NECTIN1: variants seen among roughly 807,000 people sequenced by gnomAD.
The protein encoded by NECTIN1 is nectin cell adhesion molecule 1, also known as nectin-1.
Under a neutral mutation model 48.0 loss-of-function variants are expected in NECTIN1, and 23 were observed. The observed-to-expected ratio is 0.48, with a 90% CI of 0.34 to 0.68. The LOEUF is 0.68. Among genes scored for constraint, NECTIN1 ranks in the 30% least tolerant of loss-of-function variants. The pLI, the probability that NECTIN1 is intolerant of heterozygous loss-of-function variation, is 0.01. For missense variants in NECTIN1, 591 were observed against 709.9 expected (o/e 0.83, Z 1.90); for synonymous variants, 270 against 288.9 (o/e 0.93, Z 0.66).
Position 119,665,923 on chromosome 11 carries a change from C to G in NECTIN1, c.1004-626G>C, listed in dbSNP as rs1257538575. 5.3e-5 allele frequency among the ~76,000 whole-genome samples: 8 copies of G among 152,212 alleles called. No individual in the cohort carries two copies. Among genetic ancestry groups the G allele is most frequent in the African/African-American group, 1.9e-4 (8 of 41,438 alleles). Reference sequence around the variant, plus strand: ...TTCTGCACCTGATTTTGTCTGCCTGCAGGGCACAGGGAAAACAGGTTCCCA... The same window carrying G: ...TTCTGCACCTGATTTTGTCTGCCTGGAGGGCACAGGGAAAACAGGTTCCCA... On this transcript the variant is annotated intron_variant, in intron 5 of 5. Transcript: ENST00000264025. The surrounding 1 kb of genome is among the most constrained non-coding windows in gnomAD (Gnocchi z 5.1).
chr11:119,648,343 ATGC>A (rs1490468577), intron 5 of NECTIN1, among the ~76,000 whole-genome samples: 22 of 1,278 alleles, frequency 0.017, 1 homozygote, highest in South Asian at 0.071. Context: ...GGTGGTGGTG[ATGC>A]TGGTGGTGGT....
Position 119,711,072 on chromosome 11 carries a change from A to C in NECTIN1, c.79+17403T>G, listed in dbSNP as rs553191905. Among the ~76,000 whole-genome samples the C allele has an allele frequency of 2.8e-3, 391 of 138,906 alleles. 5 individuals are homozygous for C. The highest frequency in any genetic ancestry group is 3.0e-3 in the Non-Finnish European group (199 of 65,308). 91.1% of individuals were successfully genotyped at this position (138,906 alleles called of 152,430 possible). On this transcript the variant is annotated intron_variant, in intron 1 of 5. Coordinates refer to ENST00000264025, the MANE Select transcript of NECTIN1 (RefSeq NM_002855.5). ...TAAATAGGGTTGCCAAAAAAAAAAA[A>C]AAACCAAAAACAGAAAGAAAGGGGC...
At chr11:119,654,475 G>A (rs1350521641) in intron 5 of NECTIN1, among the ~76,000 whole-genome samples, 1 of 152,106 alleles carries the variant, frequency 6.6e-6, no homozygotes, top group African/African-American at 2.4e-5. Flanking sequence ...ATTCCCTGCT[G>A]GTCAGACCAG....
chr11:119,677,686 G>C lies in NECTIN1; in HGVS notation c.602C>G (p.Pro201Arg). Reference sequence around the variant, plus strand: ...GCTGATGACCGTCACTGTGCCATTGGGGTTCCGGATCTCCTGGTACTCTGC... The same window carrying C: ...GCTGATGACCGTCACTGTGCCATTGCGGTTCCGGATCTCCTGGTACTCTGC... ...GEAEYQEIRN[P>R]NGTVTVISRY... Residue 201 changes from proline (P) to arginine (R), a missense_variant, in exon 3 of 6, where the codon CCC (proline) becomes CGC (arginine). By Grantham distance (103) the Pro-to-Arg change is moderately radical. Coordinates refer to ENST00000264025, the MANE Select transcript of NECTIN1 (RefSeq NM_002855.5). This position sits in a 1 kb window ranked among gnomAD's most constrained non-coding sequence, Gnocchi z 5.4. The C allele has an allele frequency of 6.2e-7, 1 of 1,614,150 alleles. No homozygotes were observed. Among genetic ancestry groups the C allele is most frequent in the Non-Finnish European group, 8.5e-7 (1 of 1,180,030 alleles).
chr11:119,675,449 A>T, intron 4 of NECTIN1, 139 bp from the exon 5 acceptor site: 1 of 725,814 alleles, frequency 1.4e-6, no homozygotes, highest in South Asian at 1.7e-5. Context: ...AGGAAGAAAA[A>T]TAATAATAAT....
rs376203283 is a variant in NECTIN1, at chr11:119,649,163, G to A, written c.1004-9151C>T. Among the ~76,000 whole-genome samples the A allele has an allele frequency of 1.7e-3, 265 of 152,272 alleles. 1 individual carries two copies. The highest frequency in any genetic ancestry group is 6.2e-3 in the African/African-American group (258 of 41,548). On this transcript the variant is annotated intron_variant, in intron 5 of 7. Coordinates refer to the NECTIN1 transcript ENST00000341398. ...TGGGAGGCAGAGGCGGACAGATCAC[G>A]AGGTCAAGAGATCGAGACTATCCTG...
At chr11:119,648,919 C>T (rs1172396601) in intron 5 of NECTIN1, among the ~76,000 whole-genome samples, 3 of 152,170 alleles carry the variant, frequency 2.0e-5, no homozygotes, top group East Asian at 1.9e-4. Context: ...CTTCCTGGGG[C>T]TTGGGTCTGA....
chr11:119,648,310 G>GTGATGA (rs1864434632), intron 5 of NECTIN1, among the ~76,000 whole-genome samples: 1 of 5,944 alleles, frequency 1.7e-4, no homozygotes, highest in African/African-American at 5.2e-4. Context: ...GGTGGTGATG[G>GTGATGA]TGGTGATGGT....
intron 1 of NECTIN1, among the ~76,000 whole-genome samples, chr11:119,681,709 T>C (rs1254415303): frequency 6.6e-6 from 1 of 152,162 alleles, no homozygotes; most frequent in Admixed American, 6.5e-5. Flanking sequence ...TGCTCTTTTC[T>C]GTCCACTGTG....
chr11:119,661,546 A>G lies in NECTIN1; in HGVS notation c.*3201T>C. The G allele has an allele frequency of 1.0e-6, 1 of 985,884 alleles. No individual in the cohort carries two copies. The highest frequency in any genetic ancestry group is 1.2e-6 in the Non-Finnish European group (1 of 829,960). The allele number at this position is 985,884 out of a possible 1,614,324, so 61.1% of individuals were successfully genotyped here. Reference sequence around the variant, plus strand: ...GGCCTGGGAGCACTACCCTCCTCCCAGAAGAGGGGACATCCGTGTCTGCTT... The same window carrying G: ...GGCCTGGGAGCACTACCCTCCTCCCGGAAGAGGGGACATCCGTGTCTGCTT... On this transcript the variant is annotated 3_prime_UTR_variant, in exon 6 of 6. Coordinates refer to ENST00000264025, the MANE Select transcript of NECTIN1 (RefSeq NM_002855.5).
chr11:119,638,351 C>T (rs374630937), intron 7 of NECTIN1: 1 of 1,413,330 alleles, frequency 7.1e-7, no homozygotes, highest in Non-Finnish European at 9.8e-7. Flanking sequence ...TTCCCATGCA[C>T]CCCCATTCTG....
chr11:119,724,576 T>C (rs1865880284), intron 1 of NECTIN1, among the ~76,000 whole-genome samples: 1 of 152,152 alleles, frequency 6.6e-6, no homozygotes, highest in Non-Finnish European at 1.5e-5. Context: ...ACACATAAAA[T>C]AGGCATTCTC....
At chr11:119,649,780 C>T (rs144611432) in intron 5 of NECTIN1, among the ~76,000 whole-genome samples, 81 of 152,270 alleles carry the variant, frequency 5.3e-4, no homozygotes, top group African/African-American at 1.8e-3. Flanking sequence ...CCTATTTCTT[C>T]TCCTGATATA....
chr11:119,672,841 C>G lies in NECTIN1; in HGVS notation c.1003+2318G>C, dbSNP rs1312125446. On this transcript the variant is annotated intron_variant, in intron 5 of 5. Transcript: ENST00000264025. This position sits in a 1 kb window ranked among gnomAD's most constrained non-coding sequence, Gnocchi z 4.3. The stretch of plus-strand genomic sequence containing the variant: ...CACTCAGTGCTCCTTCCTCAGGGGC[C>G]CAGGTCCCCAAGAAGCCATGCCAAA... Among the ~76,000 whole-genome samples the G allele has an allele frequency of 1.3e-5, 2 of 152,154 alleles. No individual in the cohort carries two copies. Among genetic ancestry groups the G allele is most frequent in the Non-Finnish European group, 2.9e-5 (2 of 68,026 alleles).
Position 119,661,956 on chromosome 11 carries a change from T to C in NECTIN1, c.*2791A>G, listed in dbSNP as rs1864674103. On this transcript the variant is annotated 3_prime_UTR_variant, in exon 6 of 6. Transcript: ENST00000264025. Reference sequence around the variant, plus strand: ...CTTGCAGGCCTGTGTTCACCTACTCTGTGCTGCTGCTTTTCAGACCCTTCT... The same window carrying C: ...CTTGCAGGCCTGTGTTCACCTACTCCGTGCTGCTGCTTTTCAGACCCTTCT... 2.0e-6 allele frequency: 2 copies of C among 985,258 alleles called. No homozygotes were observed. Among genetic ancestry groups the C allele is most frequent in the African/African-American group, 1.7e-5 (1 of 57,206 alleles). 61.0% of individuals were successfully genotyped at this position (985,258 alleles called of 1,614,324 possible). A position where few individuals can be genotyped will look rare whatever the true frequency, so the allele number is the denominator to read the frequency against.
At position 119,677,800 on chromosome 11, in the gene NECTIN1, T is replaced by G. The variant is rs1864984787; in HGVS notation, c.488A>C (p.Gln163Pro). The G allele has an allele frequency of 6.2e-7, 1 of 1,614,196 alleles. No homozygotes were observed. Among genetic ancestry groups the G allele is most frequent in the African/African-American group, 1.3e-5 (1 of 75,044 alleles). Residue 163 changes from glutamine (Q) to proline (P), a missense_variant, in exon 3 of 6, where the codon CAG becomes CCG. By Grantham distance (76) the Gln-to-Pro change is moderately conservative (BLOSUM62 -1). Coordinates refer to ENST00000264025, the MANE Select transcript of NECTIN1 (RefSeq NM_002855.5). This position sits in a 1 kb window ranked among gnomAD's most constrained non-coding sequence, Gnocchi z 5.4. ...GGTGGCCACCAGGACCTTGTCATCC[T>G]GCCCCTTCTTGGCTCGAAGCACTGC... ...TQAVLRAKKG[Q>P]DDKVLVATCT...
At chr11:119,660,242 G>C (rs934266579), downstream of NECTIN1, among the ~76,000 whole-genome samples, 1 of 152,138 alleles carries the variant, frequency 6.6e-6, no homozygotes, top group African/African-American at 2.4e-5. Flanking sequence ...CTGGGATGGG[G>C]CAGTCTCTGA....
intron 1 of NECTIN1, among the ~76,000 whole-genome samples, chr11:119,710,848 C>T (rs1370685948): frequency 1.3e-5 from 2 of 152,100 alleles, no homozygotes; most frequent in Non-Finnish European, 2.9e-5. Context: ...AAGAACCGTG[C>T]CATCACACAG....
chr11:119,674,952 T>C (rs1027749031), intron 5 of NECTIN1, among the ~76,000 whole-genome samples: 4 of 152,168 alleles, frequency 2.6e-5, no homozygotes, highest in Non-Finnish European at 4.4e-5. Flanking sequence ...CCCTCTCTGA[T>C]TGGGGGTCAC....
Sources: gnomAD v4.1 joint callset for allele counts (sites outside exome capture counted in the v4.1 genomes callset) on GRCh38, gnomAD v4.1.1 for gene constraint, Gnocchi (gnomAD v3.1) non-coding constraint, MANE v1.5 for transcripts, NCBI Gene and HGNC (gene_info 2026-07-23, HGNC 2026-07-21) for gene names.